The following RPL7L1 variants were observed in gnomAD, a reference collection of about 807,000 sequenced individuals.
The protein encoded by RPL7L1 is ribosomal protein uL30-like.
Under a neutral mutation model 30.3 loss-of-function variants are expected in RPL7L1, and 20 were observed. That is an observed-to-expected ratio of 0.66 (90% CI 0.46 to 0.96). The LOEUF (loss-of-function observed/expected upper bound fraction) is 0.96. Ranked by LOEUF, RPL7L1 falls within the 40% of genes least tolerant of loss-of-function variation. RPL7L1 has a pLI of 0.00. For synonymous variants in RPL7L1, 107 were observed against 110.1 expected (o/e 0.97, Z 0.18); for missense variants, 271 against 314.9 (o/e 0.86, Z 1.05).
intron 2 of RPL7L1, chr6:42,883,179 G>A (rs75756349): frequency 3.6e-5 from 9 of 249,116 alleles, no homozygotes; most frequent in East Asian, 3.5e-4. Context: ...AAATGCTGGC[G>A]TGGAGTTTAA....
chr6:42,885,101 G>A (rs891439920), intron 4 of RPL7L1, among the ~76,000 whole-genome samples: 2 of 152,110 alleles, frequency 1.3e-5, no homozygotes, highest in African/African-American at 2.4e-5. Flanking sequence ...AGGCCGAGGC[G>A]GGTGGATCAC....
At chr6:42,882,722 A>G (rs540915608) in intron 2 of RPL7L1, 1 of 152,152 alleles carries the variant, frequency 6.6e-6, no homozygotes, top group African/African-American at 2.4e-5. Flanking sequence ...AAGCTGGCCA[A>G]CAAGGTGACC....
In RPL7L1 at chr6:42,886,437, C is replaced by T. The variant is rs1169468807; in HGVS notation, c.741C>T (p.Ile247=). 1.3e-6 allele frequency: 2 copies of T among 1,571,984 alleles called. No homozygotes were observed. The highest frequency in any genetic ancestry group is 1.1e-5 in the South Asian group (1 of 90,360). ...CACCTGGCTATCGGGGTGAACGCAT[C>T]AATCAGCTCATCCGTCAGCTGAACT... ...MGTPGYRGER[I]NQLIRQLN Residue 247 remains isoleucine (I), a synonymous_variant, in exon 6 of 6, where the codon ATC becomes ATT. Transcript: ENST00000493763.
intron 4 of RPL7L1, chr6:42,885,740 C>T: frequency 2.3e-6 from 1 of 434,520 alleles, no homozygotes; most frequent in East Asian, 3.9e-5. Flanking sequence ...GCAATATTTT[C>T]CCTGGTGAAC....
In RPL7L1 at chr6:42,879,867, G is replaced by C. The variant is rs1766003475; in HGVS notation, c.-44G>C. The C allele has an allele frequency of 6.2e-7, 1 of 1,608,784 alleles. No individual in the cohort carries two copies. The highest frequency in any genetic ancestry group is 8.5e-7 in the Non-Finnish European group (1 of 1,176,222). ...CTAGAACAGACGTCTCTATGGTCAA[G>C]TAAACAGAGCGTGTGCTGTCTTCCC... On this transcript the variant is annotated 5_prime_UTR_variant, in exon 1 of 6. Coordinates refer to ENST00000493763, the MANE Select transcript of RPL7L1 (RefSeq NM_001366481.3).
intron 5 of RPL7L1, 81 bp downstream of exon 5, chr6:42,886,164 T>C: frequency 7.1e-7 from 1 of 1,418,048 alleles, no homozygotes; most frequent in East Asian, 2.3e-5. Context: ...GGTTGTATTC[T>C]TCTTGGGGCC....
rs768745923 is a variant in RPL7L1 at position 42,889,379 on chromosome 6, T to G, written c.*2915T>G. 2.7e-5 allele frequency: 4 copies of G among 145,642 alleles called. No individual in the cohort carries two copies. The highest frequency in any genetic ancestry group is 6.0e-5 in the Non-Finnish European group (4 of 66,590). 9.0% of individuals were successfully genotyped at this position (145,642 alleles called of 1,614,324 possible). ...TGCTTGAACCCAGGGAGGCAGAGGT[T>G]GCAGTGAGCCGAGATCACACCATTG... On this transcript the variant is annotated 3_prime_UTR_variant, in exon 6 of 6. Coordinates refer to ENST00000493763, the MANE Select transcript of RPL7L1 (RefSeq NM_001366481.3).
In RPL7L1 at chr6:42,883,509, G is replaced by T. The variant is rs148678082; in HGVS notation, c.206G>T (p.Trp69Leu). The part of the protein sequence containing the change: ...KRLESFLHDS[W>L]RQKRDKVRLR... ...CTGGAATCATTCCTACATGATTCCT[G>T]GCGGCAGAAACGTGACAAGGTGCGT... The change falls in exon 3 of 6, where the codon TGG becomes TTG. Residue 69 changes from tryptophan to leucine, a missense_variant. Trp to Leu is a moderately conservative substitution (Grantham distance 61). Transcript: ENST00000493763. 2,514 of 1,609,866 alleles carry T rather than the reference G, an allele frequency of 1.6e-3. 79 individuals carry two copies. The South Asian group carries it at 0.027, about 17-fold the overall frequency.
rs1766196278 is a variant in RPL7L1, at chr6:42,884,653, A to G, written c.352A>G (p.Arg118Gly). ...TTTACTGGTGCAGAGAACCATTGCA[A>G]GACTTCGCCTAAAGAAAATTTTTAG... Reference protein sequence around the residue: ...VSLLVQRTIARLRLKKIFSGV... With the variant: ...VSLLVQRTIAGLRLKKIFSGV... The change falls in exon 4 of 6, where the codon AGA becomes GGA. Residue 118 changes from arginine (R) to glycine (G), a missense_variant. By Grantham distance (125) the Arg-to-Gly change is moderately radical. Coordinates refer to ENST00000493763, the MANE Select transcript of RPL7L1 (RefSeq NM_001366481.3). 1 of 1,613,756 alleles carries G rather than the reference A, an allele frequency of 6.2e-7. No homozygotes were observed. Among genetic ancestry groups the G allele is most frequent in the Non-Finnish European group, 8.5e-7 (1 of 1,179,904 alleles).
Position 42,879,885 on chromosome 6 carries a change from GTCT to G in RPL7L1, c.-23_-21del. On this transcript the variant is annotated 5_prime_UTR_variant, in exon 1 of 6. Transcript: ENST00000493763. ...TGGTCAAGTAAACAGAGCGTGTGCTGTCTTCCCCATGTGGTGGGGTTGCGCATG... is the reference window on the plus strand; with the variant it reads ...TGGTCAAGTAAACAGAGCGTGTGCTGTCCCCATGTGGTGGGGTTGCGCATG... 6.2e-7 allele frequency: 1 copy of G among 1,612,708 alleles called. No homozygotes were observed. The highest frequency in any genetic ancestry group is 8.5e-7 in the Non-Finnish European group (1 of 1,179,150).
rs557873667 is a variant in RPL7L1, at chr6:42,880,955, G to C, written c.136G>C (p.Ala46Pro). ...KATQAKQALL[A>P]KKEQKKGKGL... ...CACCCAGGCAAAGCAGGCACTTTTGGCAAAGAAGGAGGTAATGGTGGGGAA... is the reference window on the plus strand; with the variant it reads ...CACCCAGGCAAAGCAGGCACTTTTGCCAAAGAAGGAGGTAATGGTGGGGAA... Residue 46 changes from alanine (A) to proline (P), a missense_variant, in exon 2 of 6, where the codon GCA becomes CCA. Coordinates refer to ENST00000493763, the MANE Select transcript of RPL7L1 (RefSeq NM_001366481.3). 1 of 1,558,364 alleles carries C rather than the reference G, an allele frequency of 6.4e-7. No individual in the cohort carries two copies. The highest frequency in any genetic ancestry group is 8.9e-7 in the Non-Finnish European group (1 of 1,129,788).
rs1581653232 is a variant in RPL7L1, at chr6:42,879,942, C to T, written c.32C>T (p.Ala11Val). 1 of 1,613,932 alleles carries T rather than the reference C, an allele frequency of 6.2e-7. No individual in the cohort carries two copies. Among genetic ancestry groups the T allele is most frequent in the South Asian group, 1.1e-5 (1 of 91,068 alleles). Residue 11 changes from alanine to valine, a missense_variant, in exon 1 of 6, where the codon GCG becomes GTG. By Grantham distance (64) the Ala-to-Val change is moderately conservative. Transcript: ENST00000493763. ...AGTAGCTGCACCACTAGAAAGATGG[C>T]GGAGCAAGAGTGAGTGTTTGGGGCT... MISSCTTRKM[A>V]EQEQRKIPLV... is the part of the protein sequence containing the mutation.
In RPL7L1 at chr6:42,886,376, C is replaced by T; in HGVS notation, c.680C>T (p.Thr227Ile). 1 of 1,600,164 alleles carries T rather than the reference C, an allele frequency of 6.2e-7. No homozygotes were observed. Among genetic ancestry groups the T allele is most frequent in the Middle Eastern group, 2.3e-4 (1 of 4,430 alleles). Residue 227 changes from threonine (T) to isoleucine (I), a missense_variant, in exon 6 of 6, where the codon ACC becomes ATC. Transcript: ENST00000493763. ...PFHLSVARHA[T>I]KNRVGFLKEM... is the part of the protein sequence containing the mutation. ...CACCTCTCAGTGGCCCGTCATGCTACCAAAAATAGAGTGGGCTTCCTCAAG... is the reference window on the plus strand; with the variant it reads ...CACCTCTCAGTGGCCCGTCATGCTATCAAAAATAGAGTGGGCTTCCTCAAG...
rs1267307909 is a variant in RPL7L1, at chr6:42,887,406, A to G, written c.*942A>G. 2 of 151,958 alleles carry G rather than the reference A, an allele frequency of 1.3e-5. No individual in the cohort carries two copies. The highest frequency in any genetic ancestry group is 4.8e-5 in the African/African-American group (2 of 41,342). The allele number at this position is 151,958 out of a possible 1,614,324, so 9.4% of individuals were successfully genotyped here. ...GAGACCAGCCTGACCAACATGGAGA[A>G]ATGCCATCTCTACTAAAAATACAAA... On this transcript the variant is annotated 3_prime_UTR_variant, in exon 6 of 6. Transcript: ENST00000493763.
Position 42,879,898 on chromosome 6 carries a change from G to A in RPL7L1, c.-13G>A, listed in dbSNP as rs770689821. 2 of 1,613,548 alleles carry A rather than the reference G, an allele frequency of 1.2e-6. No homozygotes were observed. The highest frequency in any genetic ancestry group is 1.7e-6 in the Non-Finnish European group (2 of 1,179,670). The stretch of plus-strand genomic sequence containing the variant: ...AGAGCGTGTGCTGTCTTCCCCATGT[G>A]GTGGGGTTGCGCATGATCAGTAGCT... On this transcript the variant is annotated 5_prime_UTR_variant, in exon 1 of 6. The change creates a premature stop within an existing upstream ORF in the 5' untranslated region. Coordinates refer to ENST00000493763, the MANE Select transcript of RPL7L1 (RefSeq NM_001366481.3).
intron 2 of RPL7L1, chr6:42,882,284 A>AT (rs36103271): frequency 0.69 from 84,956 of 122,396 alleles, 29,999 homozygotes; most frequent in Middle Eastern, 0.81. Context: ...TTTCCCCTGA[A>AT]TTTTTTTTTT....
At position 42,879,941 on chromosome 6, in the gene RPL7L1, G is replaced by C. The variant is rs777718094; in HGVS notation, c.31G>C (p.Ala11Pro). The C allele has an allele frequency of 1.2e-6, 2 of 1,614,034 alleles. No individual in the cohort carries two copies. The highest frequency in any genetic ancestry group is 2.7e-5 in the African/African-American group (2 of 74,944). MISSCTTRKM[A>P]EQEQRKIPLV... is the part of the protein sequence containing the mutation. ...CAGTAGCTGCACCACTAGAAAGATG[G>C]CGGAGCAAGAGTGAGTGTTTGGGGC... The change falls in exon 1 of 6, where the codon GCG becomes CCG. Residue 11 changes from alanine (A) to proline (P), a missense_variant. Physicochemically the swap from Ala to Pro is conservative, Grantham distance 27. Coordinates refer to ENST00000493763, the MANE Select transcript of RPL7L1 (RefSeq NM_001366481.3).
In RPL7L1 at chr6:42,883,460, G is replaced by A. The variant is rs1329072753; in HGVS notation, c.157G>A (p.Gly53Arg). 3 of 1,581,156 alleles carry A rather than the reference G, an allele frequency of 1.9e-6. No homozygotes were observed. The highest frequency in any genetic ancestry group is 1.7e-6 in the Non-Finnish European group (2 of 1,167,172). ...ALLAKKEQKKGKGLRFKRLES... is the reference protein window; with the variant it reads ...ALLAKKEQKKRKGLRFKRLES... Reference sequence around the variant, plus strand: ...TCTGTCTTCTCTGTAGCAGAAGAAAGGAAAAGGGCTCAGGTTTAAGCGACT... The same window carrying A: ...TCTGTCTTCTCTGTAGCAGAAGAAAAGAAAAGGGCTCAGGTTTAAGCGACT... The change falls in exon 3 of 6, where the codon GGA (glycine) becomes AGA (arginine). Residue 53 changes from glycine to arginine, a missense_variant. Transcript: ENST00000493763.
At chr6:42,883,167 G>A (rs1766140828) in intron 2 of RPL7L1, among the ~76,000 whole-genome samples, 1 of 152,198 alleles carries the variant, frequency 6.6e-6, no homozygotes, top group Non-Finnish European at 1.5e-5. Flanking sequence ...ACACCTGCAG[G>A]CAAATGCTGG....
Sources: allele counts gnomAD v4.1 joint callset (sites outside exome capture counted in the v4.1 genomes callset), GRCh38; gene constraint gnomAD v4.1.1; transcripts MANE v1.5; gene names NCBI Gene and HGNC (gene_info 2026-07-23, HGNC 2026-07-21).